AFF1: variants seen among roughly 807,000 people sequenced by gnomAD.
The protein encoded by AFF1 is ALF transcription elongation factor 1.
Under a neutral mutation model 121.7 loss-of-function variants are expected in AFF1, and 48 were observed. That is an observed-to-expected ratio of 0.39 (90% confidence interval 0.31 to 0.50). The LOEUF is 0.50. Among genes scored for constraint, AFF1 ranks in the 20% least tolerant of loss-of-function variants. The pLI, the probability that AFF1 is intolerant of heterozygous loss-of-function variation, is 0.76. For missense variants in AFF1, 1,523 were observed against 1,511.7 expected (o/e 1.01, Z -0.12); for synonymous variants, 613 against 563.0 (o/e 1.09, Z -1.26).
chr4:86,978,900 TC>T (rs1723514066), intron 2 of AFF1, among the ~76,000 whole-genome samples: 1 of 152,136 alleles, frequency 6.6e-6, no homozygotes, highest in Non-Finnish European at 1.5e-5. Context: ...ATCTCCCACT[TC>T]CCTTTTTAAA....
At chr4:87,020,882 GTTTC>G (rs1455956494) in intron 2 of AFF1, 1 of 938,018 alleles carries the variant, frequency 1.1e-6, no homozygotes, top group Non-Finnish European at 1.3e-6. Flanking sequence ...CTTCCAGAAG[GTTTC>G]TTTGAGTATA....
intron 4 of AFF1, among the ~76,000 whole-genome samples, chr4:87,053,441 A>C (rs1731460246): frequency 6.6e-6 from 1 of 152,228 alleles, no homozygotes; most frequent in Non-Finnish European, 1.5e-5. Context: ...ACTGTGTGAT[A>C]GTGATTCACT....
At chr4:87,005,003 A>T (rs6851332) in intron 2 of AFF1, among the ~76,000 whole-genome samples, 5,905 of 152,260 alleles carry the variant, frequency 0.039, 195 homozygotes, top group African/African-American at 0.092. Flanking sequence ...TCTTTCATCC[A>T]TGCATGATTT....
In AFF1 at chr4:87,135,706, GC is replaced by G. The variant is rs1286455171; in HGVS notation, c.*9del. The stretch of plus-strand genomic sequence containing the variant: ...GAATTAACCAAAACACCTTAATGGA[GC>G]CCCAGGTTGATTCAATGCCTTGGGA... On this transcript the variant is annotated 3_prime_UTR_variant, in exon 21 of 21. Coordinates refer to ENST00000395146, the MANE Select transcript of AFF1 (RefSeq NM_001166693.3). 5 of 1,608,414 alleles carry G rather than the reference GC, an allele frequency of 3.1e-6. No homozygotes were observed. In the Admixed American group the frequency reaches 8.4e-5, roughly 27 times the overall value.
At chr4:87,123,642 C>G (rs1332319998) in intron 12 of AFF1, among the ~76,000 whole-genome samples, 1 of 152,160 alleles carries the variant, frequency 6.6e-6, no homozygotes, top group African/African-American at 2.4e-5. Flanking sequence ...TGTGCAGATG[C>G]AGGCACACTG....
At chr4:87,085,360 T>C (rs960570138) in intron 5 of AFF1, among the ~76,000 whole-genome samples, 1 of 152,132 alleles carries the variant, frequency 6.6e-6, no homozygotes, top group African/African-American at 2.4e-5. Context: ...TTATCCCTCT[T>C]CTGTGGCCTT....
At chr4:87,069,524 C>T (rs956515918) in intron 4 of AFF1, among the ~76,000 whole-genome samples, 3 of 148,308 alleles carry the variant, frequency 2.0e-5, no homozygotes, top group African/African-American at 5.0e-5. Context: ...CTCTCCCCTC[C>T]TCTTTCTCTC....
chr4:87,097,014 TAAG>T (rs988984379), intron 8 of AFF1, among the ~76,000 whole-genome samples: 1 of 152,182 alleles, frequency 6.6e-6, no homozygotes, highest in African/African-American at 2.4e-5. Flanking sequence ...TGATGGCTGG[TAAG>T]GAGTAGAATC....
intron 2 of AFF1, among the ~76,000 whole-genome samples, chr4:86,964,722 C>CT (rs1722412697): frequency 6.6e-6 from 1 of 152,248 alleles, no homozygotes; most frequent in Admixed American, 6.5e-5. Context: ...GCCTGAGCCA[C>CT]TGCGCCCGGC....
At chr4:87,100,050 A>C (rs1294057814) in intron 8 of AFF1, among the ~76,000 whole-genome samples, 1 of 152,186 alleles carries the variant, frequency 6.6e-6, no homozygotes, top group Non-Finnish European at 1.5e-5. Context: ...TGCATATATA[A>C]AACCTGGATT....
At chr4:87,120,759 C>T (rs1470582214) in intron 12 of AFF1, among the ~76,000 whole-genome samples, 1 of 152,202 alleles carries the variant, frequency 6.6e-6, no homozygotes, top group Non-Finnish European at 1.5e-5. Context: ...GCAGATGCTC[C>T]CATCTTCCTT....
At chr4:86,957,016 T>A (rs1054244592) in intron 2 of AFF1, among the ~76,000 whole-genome samples, 7 of 152,228 alleles carry the variant, frequency 4.6e-5, no homozygotes, top group African/African-American at 1.7e-4. Flanking sequence ...ACTTTTTCTC[T>A]GTCTTTAGCC....
At chr4:87,126,439 T>C in intron 14 of AFF1, 103 bp downstream of exon 14, 15 of 1,081,798 alleles carry the variant, frequency 1.4e-5, no homozygotes, top group Admixed American at 2.1e-5. Context: ...GAACTGTCCA[T>C]TGCTTTTAAT....
At chr4:87,087,686 A>G (rs909188100) in intron 5 of AFF1, among the ~76,000 whole-genome samples, 5 of 150,184 alleles carry the variant, frequency 3.3e-5, no homozygotes, top group African/African-American at 1.0e-4. Context: ...AAATCCTTTC[A>G]GACTACCAGG....
rs76901130 is a variant in AFF1 at position 87,001,032 on chromosome 4, G to C, written c.39-45134G>C. Among the ~76,000 whole-genome samples, 392 of 152,028 alleles carry C rather than the reference G, an allele frequency of 2.6e-3. 5 individuals carry two copies. The highest frequency in any genetic ancestry group is 8.1e-3 in the African/African-American group (338 of 41,476). ...GTCAGGCATAGGCACCTTGCCGCAGGCTTGTTACCTGGATGTGTTTAATGA... is the reference window on the plus strand; with the variant it reads ...GTCAGGCATAGGCACCTTGCCGCAGCCTTGTTACCTGGATGTGTTTAATGA... On this transcript the variant is annotated intron_variant, in intron 2 of 20. Coordinates refer to ENST00000395146, the MANE Select transcript of AFF1 (RefSeq NM_001166693.3).
chr4:87,005,166 G>A (rs138488248), intron 2 of AFF1, among the ~76,000 whole-genome samples: 156 of 152,276 alleles, frequency 1.0e-3, no homozygotes, highest in Non-Finnish European at 1.9e-3. Context: ...TGGTAGAAAT[G>A]GGGTCTCACC....
chr4:86,988,322 A>G (rs1724447813), intron 2 of AFF1, among the ~76,000 whole-genome samples: 1 of 151,776 alleles, frequency 6.6e-6, no homozygotes, highest in South Asian at 2.1e-4. Flanking sequence ...ACCTCTCTCC[A>G]TACCCCGCCT....
In AFF1 at chr4:87,047,281, C is replaced by A. The variant is rs1257325329; in HGVS notation, c.746C>A (p.Pro249Gln). 6.2e-7 allele frequency: 1 copy of A among 1,614,162 alleles called. No homozygotes were observed. The change falls in exon 4 of 21, where the codon CCA (proline) becomes CAA (glutamine). Residue 249 changes from proline (P) to glutamine (Q), a missense_variant. Pro to Gln is a moderately conservative substitution (Grantham distance 76, BLOSUM62 -1). This residue lies in a region of AFF1 where 369 missense variants were observed against 367.2 expected (regional missense o/e 1.00). Transcript: ENST00000395146. ...AGCAATAACAGTAAAGGCTATTGCCCAGCCAAATCTCCCAAGGACCTAGCA... is the reference window on the plus strand; with the variant it reads ...AGCAATAACAGTAAAGGCTATTGCCAAGCCAAATCTCCCAAGGACCTAGCA... ...GSSNNSKGYC[P>Q]AKSPKDLAVK...
At chr4:87,111,118 C>A (rs1394744987) in intron 11 of AFF1, among the ~76,000 whole-genome samples, 1 of 85,580 alleles carries the variant, frequency 1.2e-5, no homozygotes, top group African/African-American at 4.0e-5. Context: ...CGCCATTCTC[C>A]TGCCTCAGCC....
Sources: allele counts gnomAD v4.1 joint callset (sites outside exome capture counted in the v4.1 genomes callset), GRCh38; gene constraint gnomAD v4.1.1; regional missense constraint gnomAD v4.1.1; transcripts MANE v1.5; gene names NCBI Gene and HGNC (gene_info 2026-07-23, HGNC 2026-07-21).